Variants in FAR2 observed in about 807,000 individuals in gnomAD.
FAR2 encodes epididymis secretory protein Li 81.
Under a neutral mutation model 56.0 loss-of-function variants are expected in FAR2, and 19 were observed. That is an observed-to-expected ratio of 0.34 (90% CI 0.24 to 0.50). The LOEUF (loss-of-function observed/expected upper bound fraction) is 0.50, where lower values mean the gene tolerates loss of function less well. Ranked by LOEUF, FAR2 falls within the 20% of genes least tolerant of loss-of-function variation. The pLI is 0.98. For synonymous variants in FAR2, 219 were observed against 218.8 expected, an observed-to-expected ratio of 1.00 and a Z score of -0.01; for missense variants, 508 against 642.2, an observed-to-expected ratio of 0.79 and a Z score of 2.26.
chr12:29,209,918 G>T (rs1947523885), intron 1 of FAR2, among the ~76,000 whole-genome samples: 1 of 152,062 alleles, frequency 6.6e-6, no homozygotes. Context: ...CATAACAATT[G>T]TTATTAGGCA....
chr12:29,156,257 AAAGAT>A (rs1415348514), intron 1 of FAR2, among the ~76,000 whole-genome samples: 1 of 152,238 alleles, frequency 6.6e-6, no homozygotes, highest in African/African-American at 2.4e-5. Context: ...TCACCAAAAA[AAAGAT>A]AAGTGATGGC....
At chr12:29,278,827 C>T (rs1166997071) in intron 2 of FAR2, among the ~76,000 whole-genome samples, 1 of 152,160 alleles carries the variant, frequency 6.6e-6, no homozygotes, top group Non-Finnish European at 1.5e-5. Context: ...AAAATTGCAA[C>T]TGGAAGACAT....
chr12:29,149,723 G>A (rs1218913948), intron 1 of FAR2, among the ~76,000 whole-genome samples: 1 of 152,254 alleles, frequency 6.6e-6, no homozygotes, highest in African/African-American at 2.4e-5. Flanking sequence ...GACCCAGCAA[G>A]GTTAATGTGG....
chr12:29,210,513 A>G (rs896421111), intron 1 of FAR2, among the ~76,000 whole-genome samples: 8 of 152,240 alleles, frequency 5.3e-5, no homozygotes, highest in African/African-American at 1.9e-4. Context: ...GTATGTAAAA[A>G]TATATTTATG....
intron 1 of FAR2, among the ~76,000 whole-genome samples, chr12:29,259,743 A>G (rs6487792): frequency 0.56 from 85,268 of 152,026 alleles, 24,470 homozygotes; most frequent in African/African-American, 0.67. Context: ...GCTAACCCCC[A>G]TGCCTAGACA....
chr12:29,189,116 G>T (rs1337800044), intron 1 of FAR2, among the ~76,000 whole-genome samples: 3 of 152,066 alleles, frequency 2.0e-5, no homozygotes, highest in Non-Finnish European at 2.9e-5. Context: ...TCAAGGAGAA[G>T]GGGGAAAGGG....
intron 1 of FAR2, among the ~76,000 whole-genome samples, chr12:29,150,685 A>G (rs1949675231): frequency 6.6e-6 from 1 of 152,134 alleles, no homozygotes; most frequent in African/African-American, 2.4e-5. Flanking sequence ...CTTCTAGGAG[A>G]TGGGCATGAG....
intron 1 of FAR2, among the ~76,000 whole-genome samples, chr12:29,155,716 G>A (rs577945805): frequency 5.9e-5 from 9 of 152,080 alleles, no homozygotes; most frequent in Non-Finnish European, 1.2e-4. Flanking sequence ...TGTATCATTC[G>A]TCTAGTCATC....
intron 1 of FAR2, chr12:29,151,351 G>A (rs1003295492): frequency 6.9e-6 from 1 of 145,060 alleles, no homozygotes; most frequent in Non-Finnish European, 1.5e-5. Context: ...GAATATGAAA[G>A]ACAAATGCAT....
chr12:29,305,630 C>T (rs1276380460), intron 4 of FAR2, among the ~76,000 whole-genome samples: 1 of 151,942 alleles, frequency 6.6e-6, no homozygotes, highest in Non-Finnish European at 1.5e-5. Flanking sequence ...TTCACAAGTA[C>T]AATTGGAACT....
intron 1 of FAR2, among the ~76,000 whole-genome samples, chr12:29,224,447 T>G (rs943524197): frequency 1.4e-4 from 21 of 152,228 alleles, no homozygotes; most frequent in Admixed American, 1.3e-3. Context: ...AATATGATAC[T>G]TTAATTGCAT....
rs1432207746 is a variant in FAR2 at position 29,322,479 on chromosome 12, T to C, written c.1257+555T>C. On this transcript the variant is annotated intron_variant, in intron 10 of 11. Coordinates refer to ENST00000536681, the MANE Select transcript of FAR2 (RefSeq NM_001271783.2). ...TCGATCTCCCTCTCTATAGGATTTC[T>C]CTACAACAGTTCAGACTTTCATTTC... is the stretch of plus-strand genomic sequence containing the variant. Among the ~76,000 whole-genome samples the C allele has an allele frequency of 2.0e-5, 3 of 152,224 alleles. No individual in the cohort carries two copies. The East Asian group carries it at 5.8e-4, about 29-fold the overall frequency.
intron 1 of FAR2, among the ~76,000 whole-genome samples, chr12:29,181,670 TC>T (rs1178615284): frequency 2.6e-5 from 4 of 152,212 alleles, no homozygotes; most frequent in Admixed American, 6.5e-5. Context: ...CTGTTCCTCT[TC>T]CAATCTAGGG....
chr12:29,179,851 G>T (rs181116782), intron 1 of FAR2, among the ~76,000 whole-genome samples: 20 of 152,026 alleles, frequency 1.3e-4, no homozygotes, highest in Non-Finnish European at 2.8e-4. Context: ...AATAATATGG[G>T]CCATTTTCTC....
At chr12:29,331,449 A>G (rs932764170) in intron 10 of FAR2, 3 of 152,164 alleles carry the variant, frequency 2.0e-5, no homozygotes, top group Admixed American at 1.3e-4. Context: ...TCACTGATGC[A>G]ATCTTTTATT....
chr12:29,173,493 C>T (rs778072439), intron 1 of FAR2, among the ~76,000 whole-genome samples: 1 of 152,178 alleles, frequency 6.6e-6, no homozygotes, highest in African/African-American at 2.4e-5. Context: ...ACTCCATTTA[C>T]CTTCCCTCTT....
chr12:29,209,980 G>A (rs561841067), intron 1 of FAR2, among the ~76,000 whole-genome samples: 131 of 152,238 alleles, frequency 8.6e-4, no homozygotes, highest in Non-Finnish European at 1.5e-3. Context: ...GCTGAGGCAG[G>A]AAGATTGCTT....
At chr12:29,186,677 C>G (rs1950043423) in intron 1 of FAR2, among the ~76,000 whole-genome samples, 1 of 152,056 alleles carries the variant, frequency 6.6e-6, no homozygotes, top group African/African-American at 2.4e-5. Context: ...TAATTGCTTT[C>G]ATTATTTATG....
At chr12:29,299,827 C>G (rs1270628333) in intron 4 of FAR2, among the ~76,000 whole-genome samples, 1 of 152,132 alleles carries the variant, frequency 6.6e-6, no homozygotes, top group African/African-American at 2.4e-5. Flanking sequence ...AGCTTAGTTC[C>G]CCTTCTGCTT....
Sources: allele counts gnomAD v4.1 joint callset (sites outside exome capture counted in the v4.1 genomes callset), GRCh38; gene constraint gnomAD v4.1.1; transcripts MANE v1.5; gene names NCBI Gene and HGNC (gene_info 2026-07-23, HGNC 2026-07-21).